The following BTBD9 variants were observed in gnomAD, a reference collection of about 807,000 sequenced individuals.
BTBD9 encodes the protein BTB/POZ domain-containing protein 9.
In BTBD9, 49 loss-of-function variants were observed where a neutral mutation model predicts 64.3. The ratio of observed to expected loss-of-function variants is 0.76; its 90% CI spans 0.61 to 0.97. The LOEUF (loss-of-function observed/expected upper bound fraction) is 0.97, where lower values mean the gene tolerates loss of function less well. Among genes scored for constraint, BTBD9 ranks in the 50% least tolerant of loss-of-function variants. BTBD9 has a pLI of 0.00. For missense variants in BTBD9, 598 were observed against 762.1 expected (o/e 0.78, Z 2.53); for synonymous variants, 260 against 274.7 (o/e 0.95, Z 0.53).
chr6:38,358,274 T>C (rs1342127464), intron 6 of BTBD9, among the ~76,000 whole-genome samples: 2 of 152,122 alleles, frequency 1.3e-5, no homozygotes, highest in East Asian at 1.9e-4. Context: ...GTGTTCTTCC[T>C]GCACATCCAC....
intron 4 of BTBD9, among the ~76,000 whole-genome samples, chr6:38,590,017 T>A (rs1196091892): frequency 6.6e-6 from 1 of 152,234 alleles, no homozygotes; most frequent in Non-Finnish European, 1.5e-5. Context: ...TGACTGGTCC[T>A]AAAGAGTAAT....
intron 7 of BTBD9, among the ~76,000 whole-genome samples, chr6:38,323,783 T>G (rs1477040492): frequency 9.2e-5 from 14 of 152,196 alleles, no homozygotes; most frequent in Admixed American, 9.2e-4. Flanking sequence ...ATTCACCAAA[T>G]CATAAAATTA....
chr6:38,491,693 T>TA (rs939017233), intron 6 of BTBD9, among the ~76,000 whole-genome samples: 46 of 150,056 alleles, frequency 3.1e-4, no homozygotes, highest in Admixed American at 7.3e-4. Flanking sequence ...ATACATTCTT[T>TA]AAAAAAAAAA....
At chr6:38,490,032 A>G (rs1005389247) in intron 6 of BTBD9, among the ~76,000 whole-genome samples, 1 of 152,190 alleles carries the variant, frequency 6.6e-6, no homozygotes, top group African/African-American at 2.4e-5. Flanking sequence ...ATAAGGGATG[A>G]TCTACCGAAG....
intron 9 of BTBD9, among the ~76,000 whole-genome samples, chr6:38,245,381 T>C (rs59159418): frequency 0.01 from 1,590 of 151,990 alleles, 30 homozygotes; most frequent in African/African-American, 0.036. Context: ...GTGGGGGTGG[T>C]TAATGAGACA....
At chr6:38,180,827 CCT>C (rs750488729) in intron 10 of BTBD9, among the ~76,000 whole-genome samples, 3 of 152,218 alleles carry the variant, frequency 2.0e-5, no homozygotes, top group Non-Finnish European at 4.4e-5. Flanking sequence ...GGATCTCTCC[CCT>C]GAGAGAAGCC....
chr6:38,627,143 C>T (rs2127528980), intron 1 of BTBD9, among the ~76,000 whole-genome samples: 1 of 152,258 alleles, frequency 6.6e-6, no homozygotes, highest in Middle Eastern at 3.4e-3. Flanking sequence ...ACCAACCCAC[C>T]AATTACACCA....
chr6:38,597,891 A>C lies in BTBD9; in HGVS notation c.185+19T>G. On this transcript the variant is annotated intron_variant, in intron 2 of 10. Coordinates refer to ENST00000481247, the MANE Select transcript of BTBD9 (RefSeq NM_001099272.2). ...TCTACAAGTGAACTAAATTTTCAAA[A>C]AAAGTATTACACACTTACCGAAAAT... is the stretch of plus-strand genomic sequence containing the variant. 1 of 1,604,128 alleles carries C rather than the reference A, an allele frequency of 6.2e-7. No individual in the cohort carries two copies. Among genetic ancestry groups the C allele is most frequent in the Non-Finnish European group, 8.5e-7 (1 of 1,175,210 alleles).
intron 6 of BTBD9, among the ~76,000 whole-genome samples, chr6:38,568,412 G>A (rs954049333): frequency 6.6e-6 from 1 of 152,148 alleles, no homozygotes; most frequent in African/African-American, 2.4e-5. Context: ...AAGCTGGATT[G>A]AAGGTCCTAG....
intron 6 of BTBD9, among the ~76,000 whole-genome samples, chr6:38,495,070 G>A (rs1312380158): frequency 6.6e-6 from 1 of 152,154 alleles, no homozygotes; most frequent in East Asian, 1.9e-4. Flanking sequence ...GAATAGAAAA[G>A]TTTAAGCATG....
rs542630801 is a variant in BTBD9 at position 38,183,053 on chromosome 6, C to T, written c.1642-7871G>A. Among the ~76,000 whole-genome samples the T allele has an allele frequency of 2.7e-4, 41 of 151,452 alleles. No homozygotes were observed. In the South Asian group the frequency reaches 8.3e-3, roughly 31 times the overall value. The stretch of plus-strand genomic sequence containing the variant: ...GGAGTGCAGTGGCACGATCTCGGCT[C>T]ACTGCAAGCTCCGCCTCCCGGGTTC... On this transcript the variant is annotated intron_variant, in intron 10 of 10. Transcript: ENST00000481247.
chr6:38,304,637 T>A (rs1762557715), intron 7 of BTBD9, among the ~76,000 whole-genome samples: 1 of 151,784 alleles, frequency 6.6e-6, no homozygotes, highest in South Asian at 2.1e-4. Context: ...AAAGACAGGG[T>A]CTCTACATGG....
At chr6:38,190,415 G>A (rs1299722010) in intron 10 of BTBD9, among the ~76,000 whole-genome samples, 2 of 145,564 alleles carry the variant, frequency 1.4e-5, no homozygotes, top group East Asian at 4.0e-4. Context: ...GTTGCAGTGA[G>A]CTGAGATTGT....
chr6:38,508,552 C>T (rs1429034799), intron 6 of BTBD9, among the ~76,000 whole-genome samples: 1 of 152,202 alleles, frequency 6.6e-6, no homozygotes, highest in Non-Finnish European at 1.5e-5. Context: ...TTTCACAGAG[C>T]AGCAGGAGCG....
intron 6 of BTBD9, among the ~76,000 whole-genome samples, chr6:38,378,766 C>A (rs1281520417): frequency 6.0e-5 from 9 of 150,190 alleles, no homozygotes; most frequent in Non-Finnish European, 1.3e-4. Flanking sequence ...CTCAGCTACT[C>A]GGGAGGCTGA....
chr6:38,611,332 C>G (rs1460528572), intron 1 of BTBD9, among the ~76,000 whole-genome samples: 10 of 152,054 alleles, frequency 6.6e-5, no homozygotes, highest in Non-Finnish European at 1.2e-4. Context: ...TCAAGTGTTT[C>G]CTTCTTTTAT....
Position 38,605,769 on chromosome 6 carries a change from G to T in BTBD9, c.-27-7648C>A, listed in dbSNP as rs1210646438. On this transcript the variant is annotated intron_variant, in intron 1 of 10. Coordinates refer to ENST00000481247, the MANE Select transcript of BTBD9 (RefSeq NM_001099272.2). ...AGAGGTCGAGGCGGCAGTGAGCCAT[G>T]TTCATGCCACTGCACTCCAGCCTGG... 1.3e-5 allele frequency among the ~76,000 whole-genome samples: 2 copies of T among 152,182 alleles called. 1 individual carries two copies.
In BTBD9 at chr6:38,198,839, A is replaced by G. The variant is rs150059231; in HGVS notation, c.1563-6242T>C. ...TTAATTAATACATGCAGACACATGC[A>G]TGACCACAAAACAAAGAGGAAGAAT... On this transcript the variant is annotated intron_variant, in intron 9 of 10. Coordinates refer to ENST00000481247, the MANE Select transcript of BTBD9 (RefSeq NM_001099272.2). Among the ~76,000 whole-genome samples the G allele has an allele frequency of 2.1e-4, 32 of 152,358 alleles. No individual in the cohort carries two copies. In the East Asian group the frequency reaches 6.0e-3, roughly 28 times the overall value.
chr6:38,376,857 T>G (rs1470708319), intron 6 of BTBD9, among the ~76,000 whole-genome samples: 1 of 152,232 alleles, frequency 6.6e-6, no homozygotes, highest in Non-Finnish European at 1.5e-5. Context: ...TTCAACAGAC[T>G]GGATAATTAG....
Sources: gnomAD v4.1 joint callset for allele counts (sites outside exome capture counted in the v4.1 genomes callset) on GRCh38, gnomAD v4.1.1 for gene constraint, MANE v1.5 for transcripts, NCBI Gene and HGNC (gene_info 2026-07-23, HGNC 2026-07-21) for gene names.